IPP: variants seen among roughly 807,000 people sequenced by gnomAD.
The protein encoded by IPP is actin-binding protein IPP.
In IPP, 41 loss-of-function variants were observed where a neutral mutation model predicts 64.1. That is an observed-to-expected ratio of 0.64 (90% CI 0.50 to 0.83). The LOEUF is 0.83. IPP is among the 40% of genes least tolerant of loss of function. IPP has a pLI of 0.00. For synonymous variants in IPP, 214 were observed against 235.2 expected (o/e 0.91, Z 0.83); for missense variants, 649 against 703.0 (o/e 0.92, Z 0.87).
At position 45,727,775 on chromosome 1, in the gene IPP, C is replaced by A; in HGVS notation, c.904G>T (p.Gly302Cys). 2.6e-6 allele frequency: 4 copies of A among 1,562,092 alleles called. No individual in the cohort carries two copies. The highest frequency in any genetic ancestry group is 1.3e-5 in the African/African-American group (1 of 74,396). ...AGGGCTCTGCTATCACTCCAGCGAC[C>A]CCCCTGCAACCGAGTATATCCACCT... ...AVGGYTRLQG[G>C]RWSDSRALSC... Residue 302 changes from glycine (G) to cysteine (C), a missense_variant, in exon 5 of 9, where the codon GGT becomes TGT. Transcript: ENST00000396478.
chr1:45,695,673 ATTTT>A (rs796457039), downstream of IPP, among the ~76,000 whole-genome samples: 1 of 144,436 alleles, frequency 6.9e-6, no homozygotes, highest in Non-Finnish European at 1.5e-5. Context: ...ATAACCTGGA[ATTTT>A]TTTTTTTTTT....
intron 8 of IPP, among the ~76,000 whole-genome samples, chr1:45,704,012 G>A (rs1158427304): frequency 6.6e-6 from 1 of 152,114 alleles, no homozygotes; most frequent in Non-Finnish European, 1.5e-5. Context: ...ACTCAGTGAA[G>A]ATGCAACCTC....
At chr1:45,706,279 A>T (rs1645511432) in intron 8 of IPP, among the ~76,000 whole-genome samples, 1 of 151,952 alleles carries the variant, frequency 6.6e-6, no homozygotes, top group African/African-American at 2.4e-5. Context: ...AGGAAGGGCT[A>T]CTCTAGACCT....
chr1:45,747,135 T>C (rs1479560829), intron 1 of IPP, among the ~76,000 whole-genome samples: 2 of 151,890 alleles, frequency 1.3e-5, no homozygotes, highest in Admixed American at 6.6e-5. Flanking sequence ...CGCGCGCGCT[T>C]CAGAGCTCCT....
Position 45,729,621 on chromosome 1 carries a change from A to C in IPP, c.873T>G (p.Tyr291Ter). Residue 291 changes from tyrosine (Y) to a stop codon, truncating the protein, a stop_gained, in exon 4 of 9, where the codon TAT (tyrosine) becomes TAG (stop). Transcript: ENST00000396478. LOFTEE classifies it high-confidence loss of function. Reference sequence around the variant, plus strand: ...TTTTAAGGGCTCTCTCACCTACTGCATACAGGTACTTTCTTGCTTTCTTCC... The same window carrying C: ...TTTTAAGGGCTCTCTCACCTACTGCCTACAGGTACTTTCTTGCTTTCTTCC... ...RPRKKARKYL[Y>*]AVGGYTRLQG... 6.2e-7 allele frequency: 1 copy of C among 1,610,918 alleles called. No homozygotes were observed. The highest frequency in any genetic ancestry group is 1.1e-5 in the South Asian group (1 of 90,300).
chr1:45,719,854 T>C (rs1212664512), intron 5 of IPP, among the ~76,000 whole-genome samples: 1 of 151,546 alleles, frequency 6.6e-6, no homozygotes, highest in Non-Finnish European at 1.5e-5. Context: ...GCCTCCTGAG[T>C]AGCTGGGACT....
intron 8 of IPP, among the ~76,000 whole-genome samples, chr1:45,705,759 C>A (rs2148549064): frequency 6.6e-6 from 1 of 152,220 alleles, no homozygotes; most frequent in South Asian, 2.1e-4. Context: ...TGAGCCAAGA[C>A]TGCCCCACTG....
chr1:45,733,661 G>A (rs1311957859), intron 3 of IPP, among the ~76,000 whole-genome samples: 3 of 151,742 alleles, frequency 2.0e-5, no homozygotes, highest in Middle Eastern at 3.4e-3. Context: ...GCGAAACCCC[G>A]TCTCTACTAA....
At chr1:45,709,432 CAAAA>C (rs71058701) in intron 8 of IPP, among the ~76,000 whole-genome samples, 5 of 66,174 alleles carry the variant, frequency 7.6e-5, no homozygotes, top group East Asian at 4.8e-4. Flanking sequence ...GACTCCGTCT[CAAAA>C]AAAAAAAAAA....
intron 1 of IPP, among the ~76,000 whole-genome samples, chr1:45,749,336 G>T (rs111652436): frequency 0.011 from 1,721 of 152,226 alleles, 20 homozygotes; most frequent in Middle Eastern, 0.034. Flanking sequence ...GTGGCATGTG[G>T]AGTGACCATA....
At position 45,699,316 on chromosome 1, in the gene IPP, C is replaced by T; in HGVS notation, c.*650G>A. 1 of 985,342 alleles carries T rather than the reference C, an allele frequency of 1.0e-6. No homozygotes were observed. The highest frequency in any genetic ancestry group is 1.2e-6 in the Non-Finnish European group (1 of 829,912). 61.0% of individuals were successfully genotyped at this position (985,342 alleles called of 1,614,324 possible). A position where few individuals can be genotyped will look rare whatever the true frequency, so the allele number is the denominator to read the frequency against. ...TAGGAATCTATTTCATTGGCTTTCT[C>T]TGTGGCTCAAACTATGGCCATGGAA... On this transcript the variant is annotated 3_prime_UTR_variant, in exon 9 of 9. Transcript: ENST00000396478.
chr1:45,725,478 C>A (rs1645809590), intron 5 of IPP, among the ~76,000 whole-genome samples: 1 of 140,176 alleles, frequency 7.1e-6, no homozygotes, highest in Non-Finnish European at 1.6e-5. Context: ...GGTGTCAGCC[C>A]CCCGCCCGGC....
intron 3 of IPP, among the ~76,000 whole-genome samples, chr1:45,729,997 T>G (rs1462060966): frequency 6.6e-6 from 1 of 152,196 alleles, no homozygotes; most frequent in African/African-American, 2.4e-5. Context: ...ATATGCTTCA[T>G]ATATAAGCAG....
chr1:45,746,464 GA>G lies in IPP; in HGVS notation c.-50-4del. ...GTTGCCCATAATCTGTTACTACCCT[GA>G]AAAACAAAATACAAAGAGATCAAGC... On this transcript the variant is annotated splice_polypyrimidine_tract_variant and splice_region_variant and intron_variant, in intron 1 of 8. Transcript: ENST00000396478. The G allele has an allele frequency of 7.0e-7, 1 of 1,424,074 alleles. No individual in the cohort carries two copies. The allele number at this position is 1,424,074 out of a possible 1,614,324, so 88.2% of individuals were successfully genotyped here. A position where few individuals can be genotyped will look rare whatever the true frequency, so the allele number is the denominator to read the frequency against.
intron 3 of IPP, among the ~76,000 whole-genome samples, chr1:45,735,466 C>CTT (rs756979985): frequency 0.017 from 1,000 of 58,022 alleles, 5 homozygotes; most frequent in East Asian, 0.02. Flanking sequence ...TTTAATTTTG[C>CTT]TTTTTTTTTT....
intron 8 of IPP, among the ~76,000 whole-genome samples, chr1:45,711,902 A>C (rs1223392200): frequency 1.3e-5 from 2 of 152,200 alleles, no homozygotes; most frequent in East Asian, 3.8e-4. Flanking sequence ...CCTGACAGAA[A>C]TGAAAGGAGA....
In IPP at chr1:45,698,729, T is replaced by C; in HGVS notation, c.*1237A>G. 1.8e-6 allele frequency: 1 copy of C among 558,770 alleles called. No homozygotes were observed. The highest frequency in any genetic ancestry group is 2.3e-5 in the African/African-American group (1 of 43,680). 34.6% of individuals were successfully genotyped at this position (558,770 alleles called of 1,614,324 possible). A position where few individuals can be genotyped will look rare whatever the true frequency, so the allele number is the denominator to read the frequency against. ...AGAATTTTTTTTTCTTTTTTTTTTT[T>C]TTTTTTTGAGACAGGTTCTCATGCT... is the stretch of plus-strand genomic sequence containing the variant. On this transcript the variant is annotated 3_prime_UTR_variant, in exon 9 of 9. Transcript: ENST00000396478.
intron 8 of IPP, among the ~76,000 whole-genome samples, chr1:45,708,253 A>G (rs1263325183): frequency 2.6e-5 from 4 of 151,536 alleles, no homozygotes; most frequent in East Asian, 2.0e-4. Flanking sequence ...TTTAGCAGAG[A>G]CAGGGTTTCA....
intron 5 of IPP, among the ~76,000 whole-genome samples, chr1:45,722,951 G>A (rs1341205904): frequency 6.6e-6 from 1 of 152,334 alleles, no homozygotes; most frequent in Middle Eastern, 3.4e-3. Flanking sequence ...TAGATTAGCG[G>A]TTACTAGGGT....
Sources: allele counts gnomAD v4.1 joint callset (sites outside exome capture counted in the v4.1 genomes callset), GRCh38; gene constraint gnomAD v4.1.1; transcripts MANE v1.5; gene names NCBI Gene and HGNC (gene_info 2026-07-23, HGNC 2026-07-21).